Variants in MXI1 observed in about 807,000 individuals in gnomAD.
MXI1 encodes max-interacting protein 1.
MXI1 carries 18 observed loss-of-function variants against 36.9 expected under a neutral mutation model. The ratio of observed to expected loss-of-function variants is 0.49; its 90% CI spans 0.34 to 0.72. The LOEUF is 0.72. Among genes scored for constraint, MXI1 ranks in the 30% least tolerant of loss-of-function variants. The pLI is 0.01. For missense variants in MXI1, 304 were observed against 379.1 expected (o/e 0.80, Z 1.64); for synonymous variants, 160 against 146.7 (o/e 1.09, Z -0.65).
At chr10:110,260,046 T>C (rs1856454209) in intron 3 of MXI1, among the ~76,000 whole-genome samples, 2 of 147,680 alleles carry the variant, frequency 1.4e-5, no homozygotes, top group African/African-American at 4.9e-5. Context: ...GAAAAGCCAA[T>C]GGAGAAAGAT....
At chr10:110,278,056 A>G (rs1857099932) in intron 3 of MXI1, among the ~76,000 whole-genome samples, 1 of 152,240 alleles carries the variant, frequency 6.6e-6, no homozygotes, top group South Asian at 2.1e-4. Flanking sequence ...AAGTTCAATT[A>G]TAGGTCTTTA....
intron 1 of MXI1, among the ~76,000 whole-genome samples, chr10:110,222,040 G>C (rs572673736): frequency 2.6e-5 from 4 of 152,160 alleles, no homozygotes; most frequent in Non-Finnish European, 5.9e-5. Flanking sequence ...GAGAGCTTAC[G>C]CATGAACTTA....
intron 3 of MXI1, among the ~76,000 whole-genome samples, chr10:110,249,897 G>C (rs146314679): frequency 1.4e-4 from 21 of 152,246 alleles, no homozygotes; most frequent in African/African-American, 4.1e-4. Context: ...GCTGGTGAAT[G>C]GCTAAGTAAT....
intron 3 of MXI1, among the ~76,000 whole-genome samples, chr10:110,272,396 G>A (rs1856883355): frequency 6.6e-6 from 1 of 152,058 alleles, no homozygotes; most frequent in Non-Finnish European, 1.5e-5. Context: ...AACACATTTT[G>A]CATTATCTGT....
intron 3 of MXI1, chr10:110,257,103 A>G (rs1856328122): frequency 6.6e-6 from 1 of 152,140 alleles, no homozygotes; most frequent in Non-Finnish European, 1.5e-5. Context: ...CTCCTGATAT[A>G]CGTTCTCTGG....
intron 1 of MXI1, among the ~76,000 whole-genome samples, chr10:110,222,217 C>T (rs749094205): frequency 4.6e-5 from 7 of 152,134 alleles, no homozygotes; most frequent in Non-Finnish European, 7.4e-5. Flanking sequence ...GTTCACCTCC[C>T]GTGTCCCCAG....
chr10:110,286,421 C>T lies in MXI1; in HGVS notation c.*1434C>T, dbSNP rs1706156958. 1 of 152,034 alleles carries T rather than the reference C, an allele frequency of 6.6e-6. No homozygotes were observed. The highest frequency in any genetic ancestry group is 2.4e-5 in the African/African-American group (1 of 41,268). The allele number at this position is 152,034 out of a possible 1,614,324, so 9.4% of individuals were successfully genotyped here. A position where few individuals can be genotyped will look rare whatever the true frequency, so the allele number is the denominator to read the frequency against. ...GGCCCTCTCCCTTACCCTGGGAAGG[C>T]CTCTTGGAGACCTTACCCCTGGCTG... On this transcript the variant is annotated 3_prime_UTR_variant, in exon 6 of 6. Transcript: ENST00000332674.
intron 3 of MXI1, among the ~76,000 whole-genome samples, chr10:110,247,189 G>A (rs1053347629): frequency 7.9e-5 from 12 of 152,096 alleles, no homozygotes; most frequent in South Asian, 2.1e-4. Context: ...GTCTTCTTTC[G>A]AGAAGTGTCT....
At chr10:110,219,517 T>C (rs1854743202) in intron 1 of MXI1, among the ~76,000 whole-genome samples, 1 of 152,226 alleles carries the variant, frequency 6.6e-6, no homozygotes, top group South Asian at 2.1e-4. Flanking sequence ...CCAGGTCTGC[T>C]GCAGTAGAAT....
intron 3 of MXI1, among the ~76,000 whole-genome samples, chr10:110,255,062 C>T (rs189535878): frequency 2.0e-5 from 3 of 152,276 alleles, no homozygotes; most frequent in Non-Finnish European, 2.9e-5. Flanking sequence ...GAAGGGAAGT[C>T]GATGCTTGGC....
In MXI1 at chr10:110,284,810, T is replaced by G; in HGVS notation, c.725-14T>G. On this transcript the variant is annotated splice_polypyrimidine_tract_variant and intron_variant, in intron 5 of 5. Coordinates refer to ENST00000332674, the MANE Select transcript of MXI1 (RefSeq NM_130439.3). ...GATAATTAATGTTCTTCTTTTTTTT[T>G]TTTCCTTTGGCAGAGGAGATTGAAG... is the stretch of plus-strand genomic sequence containing the variant. 10 of 1,583,348 alleles carry G rather than the reference T, an allele frequency of 6.3e-6. No individual in the cohort carries two copies. Among genetic ancestry groups the G allele is most frequent in the Non-Finnish European group, 7.7e-6 (9 of 1,170,034 alleles).
intron 1 of MXI1, among the ~76,000 whole-genome samples, chr10:110,222,329 G>A (rs1327917366): frequency 6.6e-6 from 1 of 152,158 alleles, no homozygotes; most frequent in African/African-American, 2.4e-5. Context: ...CTAAGTGCAA[G>A]GTGTCATCAA....
chr10:110,268,484 G>T (rs2054185878), intron 3 of MXI1, among the ~76,000 whole-genome samples: 1 of 152,136 alleles, frequency 6.6e-6, no homozygotes, highest in African/African-American at 2.4e-5. Flanking sequence ...TCTTTTACTT[G>T]ATAAAGAGGA....
intron 2 of MXI1, among the ~76,000 whole-genome samples, chr10:110,232,634 T>C (rs1855316121): frequency 6.6e-6 from 1 of 152,202 alleles, no homozygotes; most frequent in Non-Finnish European, 1.5e-5. Context: ...CTAGTACTTA[T>C]CACAGTGCCC....
At chr10:110,267,307 G>A (rs1171409566) in intron 3 of MXI1, among the ~76,000 whole-genome samples, 2 of 152,102 alleles carry the variant, frequency 1.3e-5, no homozygotes, top group African/African-American at 4.8e-5. Flanking sequence ...ATTGCTATTG[G>A]GCTTTAGTAA....
intron 1 of MXI1, 21 bp downstream of exon 1, chr10:110,208,103 T>C: frequency 6.4e-7 from 1 of 1,566,248 alleles, no homozygotes. Context: ...GGGCCCCTGC[T>C]CTTCCTCGGC....
At chr10:110,232,464 T>C (rs17127170) in intron 2 of MXI1, among the ~76,000 whole-genome samples, 13,441 of 152,288 alleles carry the variant, frequency 0.088, 1,106 homozygotes, top group East Asian at 0.3. Context: ...AGATCAGGTC[T>C]TCACATACTT....
intron 3 of MXI1, among the ~76,000 whole-genome samples, chr10:110,246,235 A>G (rs992237666): frequency 3.3e-5 from 5 of 152,074 alleles, no homozygotes; most frequent in African/African-American, 1.2e-4. Flanking sequence ...AGGCAAGAGG[A>G]TCACTTGAGC....
chr10:110,260,410 G>T (rs986034186), intron 3 of MXI1, among the ~76,000 whole-genome samples: 21 of 129,874 alleles, frequency 1.6e-4, no homozygotes, highest in African/African-American at 6.1e-4. Flanking sequence ...CATTTTCCTT[G>T]ATACAGGTGT....
Sources: gnomAD v4.1 joint callset for allele counts (sites outside exome capture counted in the v4.1 genomes callset) on GRCh38, gnomAD v4.1.1 for gene constraint, MANE v1.5 for transcripts, NCBI Gene and HGNC (gene_info 2026-07-23, HGNC 2026-07-21) for gene names.